The following ZMAT4 variants were observed in gnomAD, a reference collection of about 807,000 sequenced individuals.
The protein encoded by ZMAT4 is zinc finger matrin-type 4.
Under a neutral mutation model 28.7 loss-of-function variants are expected in ZMAT4, and 17 were observed. The observed-to-expected ratio is 0.59, with a 90% CI of 0.41 to 0.89. The LOEUF (loss-of-function observed/expected upper bound fraction) is 0.89, where lower values mean the gene tolerates loss of function less well. Ranked by LOEUF, ZMAT4 falls within the 40% of genes least tolerant of loss-of-function variation. The pLI, the probability that ZMAT4 is intolerant of heterozygous loss-of-function variation, is 0.00. For synonymous variants in ZMAT4, 117 were observed against 109.2 expected (o/e 1.07, Z -0.44); for missense variants, 240 against 283.8 (o/e 0.85, Z 1.11).
intron 3 of ZMAT4, among the ~76,000 whole-genome samples, chr8:40,737,993 T>C (rs1441238146): frequency 1.3e-5 from 2 of 151,894 alleles, no homozygotes; most frequent in Non-Finnish European, 2.9e-5. Context: ...AAAAGACTGG[T>C]CTAAGGGAGA....
At chr8:40,752,682 C>T (rs1812503801) in intron 3 of ZMAT4, among the ~76,000 whole-genome samples, 1 of 152,122 alleles carries the variant, frequency 6.6e-6, no homozygotes, top group African/African-American at 2.4e-5. Context: ...TCTATTTTTA[C>T]CTACTCAGGT....
Position 40,697,345 on chromosome 8 carries a change from T to G in ZMAT4, c.249A>C (p.Ser83=), listed in dbSNP as rs1328967037. The G allele has an allele frequency of 6.2e-7, 1 of 1,613,788 alleles. No homozygotes were observed. Among genetic ancestry groups the G allele is most frequent in the African/African-American group, 1.3e-5 (1 of 74,910 alleles). ...AATCGGCCACCACCGCTGAAGTGAA[T>G]GACATGTTGCAGAGTGTGCAGCACT... ...KNKCCTLCNM[S]FTSAVVADSH... The change falls in exon 4 of 7, where the codon TCA becomes TCC. Residue 83 remains serine, a synonymous_variant. Coordinates refer to ENST00000297737, the MANE Select transcript of ZMAT4 (RefSeq NM_024645.3).
chr8:40,881,441 A>AAGAAAGAG (rs1818225642), intron 1 of ZMAT4, among the ~76,000 whole-genome samples: 3 of 82,232 alleles, frequency 3.6e-5, no homozygotes, highest in Admixed American at 1.2e-4. Flanking sequence ...GAGAGAAAGA[A>AAGAAAGAG]AGAAAGAAAG....
At chr8:40,886,723 T>G (rs1315584270) in intron 1 of ZMAT4, among the ~76,000 whole-genome samples, 1 of 152,160 alleles carries the variant, frequency 6.6e-6, no homozygotes, top group Non-Finnish European at 1.5e-5. Context: ...CTCCAACAAC[T>G]CCCCACTCTG....
At chr8:40,535,473 A>T (rs368445522) in intron 6 of ZMAT4, among the ~76,000 whole-genome samples, 17 of 152,096 alleles carry the variant, frequency 1.1e-4, no homozygotes, top group African/African-American at 4.1e-4. Context: ...GATCGAGACC[A>T]TCCTGGCCAA....
At chr8:40,641,795 C>T (rs892865870) in intron 5 of ZMAT4, among the ~76,000 whole-genome samples, 9 of 152,184 alleles carry the variant, frequency 5.9e-5, no homozygotes, top group African/African-American at 1.9e-4. Context: ...TAAGTTTAGG[C>T]ACTCTGCCTA....
chr8:40,571,189 G>T (rs1205880449), intron 6 of ZMAT4, among the ~76,000 whole-genome samples: 1 of 152,078 alleles, frequency 6.6e-6, no homozygotes, highest in East Asian at 1.9e-4. Context: ...ATGAAAGAAT[G>T]AACATGCTCC....
chr8:40,614,860 G>A (rs1403618102), intron 5 of ZMAT4, among the ~76,000 whole-genome samples: 2 of 151,938 alleles, frequency 1.3e-5, no homozygotes, highest in African/African-American at 2.4e-5. Context: ...GCACACTGAT[G>A]GGTCTTGACT....
chr8:40,581,927 T>A (rs1251273010), intron 5 of ZMAT4, among the ~76,000 whole-genome samples: 2 of 152,194 alleles, frequency 1.3e-5, no homozygotes, highest in African/African-American at 4.8e-5. Flanking sequence ...TTAGTAAAAA[T>A]CTTGACTGAT....
At chr8:40,614,269 A>G (rs1805912339) in intron 5 of ZMAT4, among the ~76,000 whole-genome samples, 1 of 152,232 alleles carries the variant, frequency 6.6e-6, no homozygotes, top group Non-Finnish European at 1.5e-5. Context: ...ATTGAATGCA[A>G]CGTTAAATAA....
At chr8:40,539,680 A>T (rs1013217745) in intron 6 of ZMAT4, among the ~76,000 whole-genome samples, 2 of 152,244 alleles carry the variant, frequency 1.3e-5, no homozygotes, top group Admixed American at 1.3e-4. Flanking sequence ...AGTAACCACT[A>T]AACATTTAGA....
chr8:40,874,404 G>C (rs1329663898), intron 1 of ZMAT4, among the ~76,000 whole-genome samples: 1 of 152,228 alleles, frequency 6.6e-6, no homozygotes, highest in Non-Finnish European at 1.5e-5. Flanking sequence ...GAAAGTGTTT[G>C]TTTTGGTTAA....
chr8:40,807,141 A>C (rs1192508519), intron 2 of ZMAT4, among the ~76,000 whole-genome samples: 1 of 149,808 alleles, frequency 6.7e-6, no homozygotes, highest in Non-Finnish European at 1.5e-5. Context: ...GTGAGGACAA[A>C]AAAAAAAAAA....
At chr8:40,546,300 CAA>C (rs991474050) in intron 6 of ZMAT4, among the ~76,000 whole-genome samples, 70 of 66,684 alleles carry the variant, frequency 1.0e-3, no homozygotes, top group South Asian at 4.3e-3. Flanking sequence ...ATCACTTGAA[CAA>C]AAAAAAAAAA....
intron 5 of ZMAT4, among the ~76,000 whole-genome samples, chr8:40,598,084 A>C (rs1056898242): frequency 1.3e-5 from 2 of 152,202 alleles, no homozygotes; most frequent in Non-Finnish European, 1.5e-5. Context: ...TTATACCACA[A>C]TTCAGAAAAA....
chr8:40,854,577 C>T (rs933450295), intron 1 of ZMAT4, among the ~76,000 whole-genome samples: 28 of 152,194 alleles, frequency 1.8e-4, no homozygotes, highest in African/African-American at 6.8e-4. Flanking sequence ...GGAGTCCAGT[C>T]TTTCGGCAGA....
intron 2 of ZMAT4, among the ~76,000 whole-genome samples, chr8:40,791,334 C>A (rs1489345067): frequency 6.6e-6 from 1 of 152,014 alleles, no homozygotes; most frequent in Non-Finnish European, 1.5e-5. Context: ...CCTAGGAGCT[C>A]CAAAGTACTT....
rs138382981 is a variant in ZMAT4 at position 40,787,000 on chromosome 8, A to G, written c.103-19270T>C. Among the ~76,000 whole-genome samples, 734 of 152,348 alleles carry G rather than the reference A, an allele frequency of 4.8e-3. 2 individuals carry two copies. The highest frequency in any genetic ancestry group is 0.017 in the African/African-American group (699 of 41,578). On this transcript the variant is annotated intron_variant, in intron 2 of 6. Transcript: ENST00000297737. ...AGAAATTTTTTCAATAAACACCAAGAGTGGTACATAAATTAATTGTAAAAT... is the reference window on the plus strand; with the variant it reads ...AGAAATTTTTTCAATAAACACCAAGGGTGGTACATAAATTAATTGTAAAAT...
intron 5 of ZMAT4, among the ~76,000 whole-genome samples, chr8:40,600,163 G>C (rs1048738355): frequency 4.6e-5 from 7 of 152,102 alleles, no homozygotes; most frequent in East Asian, 1.9e-4. Context: ...ACATGTATTG[G>C]GGCTATTTAG....
Sources: allele counts gnomAD v4.1 joint callset (sites outside exome capture counted in the v4.1 genomes callset), GRCh38; gene constraint gnomAD v4.1.1; transcripts MANE v1.5; gene names NCBI Gene and HGNC (gene_info 2026-07-23, HGNC 2026-07-21).